Variants in MOSMO observed in about 807,000 individuals in gnomAD.
MOSMO encodes modulator of smoothened.
A neutral mutation model predicts 18.4 loss-of-function variants in MOSMO; 5 were observed. That is an observed-to-expected ratio of 0.27 (90% CI 0.14 to 0.57). The LOEUF is 0.57. MOSMO is among the 20% of genes least tolerant of loss of function. The pLI, the probability that MOSMO is intolerant of heterozygous loss-of-function variation, is 0.92. For synonymous variants in MOSMO, 82 were observed against 82.3 expected (o/e 1.00, Z 0.02); for missense variants, 138 against 211.8 (o/e 0.65, Z 2.16).
intron 1 of MOSMO, among the ~76,000 whole-genome samples, chr16:22,023,990 G>A (rs1253894125): frequency 4.6e-5 from 4 of 86,812 alleles, no homozygotes; most frequent in African/African-American, 3.3e-4. Flanking sequence ...ATAGAATTTT[G>A]TACAAATTAT....
At chr16:22,008,434 C>A in intron 1 of MOSMO, 27 bp downstream of exon 1, 1 of 1,488,878 alleles carries the variant, frequency 6.7e-7, no homozygotes, top group Non-Finnish European at 9.0e-7. Context: ...CCGGGCCGGG[C>A]GGGGGATTGG....
intron 1 of MOSMO, among the ~76,000 whole-genome samples, chr16:22,015,958 G>A (rs1899627882): frequency 6.6e-6 from 1 of 152,074 alleles, no homozygotes; most frequent in Non-Finnish European, 1.5e-5. Context: ...TTGTTAGATT[G>A]GCCATACTTA....
downstream of MOSMO, among the ~76,000 whole-genome samples, chr16:22,091,160 C>G (rs749497342): frequency 2.0e-5 from 3 of 152,154 alleles, no homozygotes; most frequent in Non-Finnish European, 4.4e-5. Flanking sequence ...CCACTTATGA[C>G]CTTCTTACCT....
At chr16:22,069,903 A>G (rs1900815187) in intron 1 of MOSMO, among the ~76,000 whole-genome samples, 1 of 152,226 alleles carries the variant, frequency 6.6e-6, no homozygotes, top group Admixed American at 6.5e-5. Flanking sequence ...AACACATTCA[A>G]ACATTTTTGA....
intron 2 of MOSMO, among the ~76,000 whole-genome samples, chr16:22,079,700 C>T (rs1363256875): frequency 6.6e-6 from 1 of 152,152 alleles, no homozygotes; most frequent in Non-Finnish European, 1.5e-5. Flanking sequence ...GAATATTATC[C>T]ATGATAAGAG....
rs949013451 is a variant in MOSMO, at chr16:22,080,636, C to T, written c.320-60C>T. The T allele has an allele frequency of 3.4e-6, 4 of 1,168,560 alleles. No homozygotes were observed. The African/African-American group carries it at 7.0e-5, about 21-fold the overall frequency. The allele number at this position is 1,168,560 out of a possible 1,614,324, so 72.4% of individuals were successfully genotyped here. On this transcript the variant is annotated intron_variant, in intron 2 of 2. Coordinates refer to ENST00000542527, the MANE Select transcript of MOSMO (RefSeq NM_001164579.2). The stretch of plus-strand genomic sequence containing the variant: ...ACAAGCTTCCTTTGTGCCAAATTTT[C>T]ATTGTTTTTTGAAATCACCAAACCA...
intron 1 of MOSMO, among the ~76,000 whole-genome samples, chr16:22,024,016 T>TATATATATATATATATATATATATA (rs57968547): frequency 4.6e-4 from 67 of 145,542 alleles, no homozygotes; most frequent in South Asian, 1.6e-3. Flanking sequence ...TATATATATA[T>TATATATATATATATATATATATATA]TTTCTTAAGA....
chr16:22,025,126 C>T (rs1388541373), intron 1 of MOSMO, among the ~76,000 whole-genome samples: 1 of 151,004 alleles, frequency 6.6e-6, no homozygotes, highest in Non-Finnish European at 1.5e-5. Context: ...GTACTCCAGC[C>T]TGGGCAATGG....
intron 1 of MOSMO, among the ~76,000 whole-genome samples, chr16:22,046,456 T>C (rs983608800): frequency 6.6e-6 from 1 of 152,144 alleles, no homozygotes. Context: ...TATTATTTAA[T>C]ATGTATTGAT....
intron 1 of MOSMO, among the ~76,000 whole-genome samples, chr16:22,028,931 G>T (rs1899937376): frequency 6.6e-6 from 1 of 152,126 alleles, no homozygotes; most frequent in East Asian, 1.9e-4. Context: ...GAGTACAATG[G>T]TGCAGTCTTG....
chr16:22,072,793 C>T (rs550965670), intron 1 of MOSMO, among the ~76,000 whole-genome samples: 2 of 143,796 alleles, frequency 1.4e-5, no homozygotes, highest in Admixed American at 7.2e-5. Context: ...GGTGACAGAG[C>T]GAGACTCCAT....
intron 1 of MOSMO, among the ~76,000 whole-genome samples, chr16:22,022,150 A>G (rs1195105618): frequency 1.3e-5 from 2 of 151,732 alleles, no homozygotes; most frequent in East Asian, 1.9e-4. Context: ...AAAGTAGGAT[A>G]TATCATTGTT....
Position 22,081,029 on chromosome 16 carries a change from A to G in MOSMO, c.*149A>G. 2.7e-6 allele frequency: 1 copy of G among 366,102 alleles called. No individual in the cohort carries two copies. The highest frequency in any genetic ancestry group is 4.8e-6 in the Non-Finnish European group (1 of 210,048). The allele number at this position is 366,102 out of a possible 1,614,324, so 22.7% of individuals were successfully genotyped here. On this transcript the variant is annotated 3_prime_UTR_variant, in exon 3 of 3. Coordinates refer to ENST00000542527, the MANE Select transcript of MOSMO (RefSeq NM_001164579.2). The stretch of plus-strand genomic sequence containing the variant: ...AACTGATGCTGAGAAGGAAAAAAAA[A>G]TGCTTTGGTTTGTTCTCACTATGCA...
At chr16:22,036,271 T>C (rs989889185) in intron 1 of MOSMO, among the ~76,000 whole-genome samples, 15 of 151,900 alleles carry the variant, frequency 9.9e-5, no homozygotes, top group African/African-American at 3.6e-4. Context: ...GAACCATAGG[T>C]GCACACCACC....
chr16:22,089,564 T>G (rs1030906560), downstream of MOSMO, among the ~76,000 whole-genome samples: 5 of 152,088 alleles, frequency 3.3e-5, no homozygotes, highest in African/African-American at 1.2e-4. Context: ...GTTATTGGAG[T>G]ACTCTAAGTT....
chr16:22,012,187 T>C (rs150719502), intron 1 of MOSMO, among the ~76,000 whole-genome samples: 9 of 152,330 alleles, frequency 5.9e-5, no homozygotes, highest in African/African-American at 2.2e-4. Context: ...GTAGAACTTT[T>C]GGAGCTGAAA....
At chr16:22,092,540 T>G in the MOSMO span, 38 of 1,478,412 alleles carry the variant, frequency 2.6e-5, no homozygotes, top group Non-Finnish European at 3.3e-5. Flanking sequence ...GCTTCGCTGC[T>G]GAGTTGCTTG....
intron 1 of MOSMO, among the ~76,000 whole-genome samples, chr16:22,034,838 C>G (rs971501962): frequency 7.4e-6 from 1 of 135,032 alleles, no homozygotes; most frequent in African/African-American, 2.7e-5. Context: ...TCAGGTGATT[C>G]TCCCACCTCA....
chr16:22,064,663 G>A (rs1221279733), intron 1 of MOSMO, among the ~76,000 whole-genome samples: 3 of 152,096 alleles, frequency 2.0e-5, no homozygotes, highest in Admixed American at 2.0e-4. Context: ...TAATGTAAAT[G>A]CAATTAGCAC....
Sources: allele counts gnomAD v4.1 joint callset (sites outside exome capture counted in the v4.1 genomes callset), GRCh38; gene constraint gnomAD v4.1.1; transcripts MANE v1.5; gene names NCBI Gene and HGNC (gene_info 2026-07-23, HGNC 2026-07-21).